Variants in TMEM150C observed in about 807,000 individuals in gnomAD.
TMEM150C encodes the protein transmembrane protein 150C, also known as tentonin 3.
Under a neutral mutation model 29.9 loss-of-function variants are expected in TMEM150C, and 10 were observed. That is an observed-to-expected ratio of 0.33 (90% CI 0.21 to 0.57). The LOEUF (loss-of-function observed/expected upper bound fraction) is 0.57, where lower values mean the gene tolerates loss of function less well. TMEM150C is among the 20% of genes least tolerant of loss of function. The pLI is 0.88. For missense variants in TMEM150C, 251 were observed against 303.6 expected (o/e 0.83, Z 1.29); for synonymous variants, 101 against 112.5 (o/e 0.90, Z 0.64).
chr4:82,526,031 A>T lies in TMEM150C; in HGVS notation c.-10-21364T>A, dbSNP rs927591033. On this transcript the variant is annotated intron_variant, in intron 1 of 7. Transcript: ENST00000449862. Reference sequence around the variant, plus strand: ...GTGATCCTCCCACCTCAGCCTCCATAATAGCTGGGACTACAGGTGTACTCC... The same window carrying T: ...GTGATCCTCCCACCTCAGCCTCCATTATAGCTGGGACTACAGGTGTACTCC... Among the ~76,000 whole-genome samples, 10 of 152,172 alleles carry T rather than the reference A, an allele frequency of 6.6e-5. No individual in the cohort carries two copies. The East Asian group carries it at 1.9e-3, about 29-fold the overall frequency.
intron 1 of TMEM150C, among the ~76,000 whole-genome samples, chr4:82,529,823 G>C (rs1724777967): frequency 6.6e-6 from 1 of 152,142 alleles, no homozygotes; most frequent in Non-Finnish European, 1.5e-5. Flanking sequence ...GGCTGTGAAA[G>C]AAAGGAAAGA....
intron 1 of TMEM150C, among the ~76,000 whole-genome samples, chr4:82,559,092 C>T (rs1165253166): frequency 6.6e-6 from 1 of 152,186 alleles, no homozygotes; most frequent in Non-Finnish European, 1.5e-5. Context: ...CAAAACATTG[C>T]TCCTAACTCC....
At chr4:82,559,709 CTAAT>C (rs1725856635) in intron 1 of TMEM150C, among the ~76,000 whole-genome samples, 1 of 152,190 alleles carries the variant, frequency 6.6e-6, no homozygotes, top group African/African-American at 2.4e-5. Context: ...TTACCAGAAC[CTAAT>C]CACACCGTAG....
chr4:82,525,586 A>G (rs1724626598), intron 1 of TMEM150C, among the ~76,000 whole-genome samples: 1 of 152,262 alleles, frequency 6.6e-6, no homozygotes, highest in Non-Finnish European at 1.5e-5. Context: ...TCATTGTTTA[A>G]CAAAGATGAA....
At chr4:82,547,512 C>G (rs1039090882) in intron 1 of TMEM150C, among the ~76,000 whole-genome samples, 2 of 152,048 alleles carry the variant, frequency 1.3e-5, no homozygotes, top group African/African-American at 4.8e-5. Flanking sequence ...TAGCTTGAAC[C>G]CAGGAGGCGG....
chr4:82,528,956 G>A lies in TMEM150C; in HGVS notation c.-10-24289C>T, dbSNP rs112732120. On this transcript the variant is annotated intron_variant, in intron 1 of 7. Coordinates refer to ENST00000449862, the MANE Select transcript of TMEM150C (RefSeq NM_001080506.3). ...TGTACAGAAGGCAGGAGACAACCAG[G>A]GTCTCAAGTTCAGGTAAGTGGTCAG... 4.0e-3 allele frequency among the ~76,000 whole-genome samples: 609 copies of A among 152,120 alleles called. 1 individual carries two copies. The highest frequency in any genetic ancestry group is 0.014 in the African/African-American group (568 of 41,494).
intron 1 of TMEM150C, among the ~76,000 whole-genome samples, chr4:82,553,084 C>A (rs1001228551): frequency 2.0e-5 from 3 of 152,164 alleles, no homozygotes; most frequent in Non-Finnish European, 2.9e-5. Flanking sequence ...TGCATTGTCA[C>A]CTTTATGGGC....
chr4:82,549,251 G>A (rs1050422267), intron 1 of TMEM150C, among the ~76,000 whole-genome samples: 2 of 152,062 alleles, frequency 1.3e-5, no homozygotes, highest in Non-Finnish European at 2.9e-5. Context: ...TTGAAATGTG[G>A]TATATATACT....
At chr4:82,553,550 C>T (rs944480860) in intron 1 of TMEM150C, among the ~76,000 whole-genome samples, 3 of 152,276 alleles carry the variant, frequency 2.0e-5, no homozygotes, top group African/African-American at 7.2e-5. Flanking sequence ...AGACACTGAA[C>T]AGGGGAGCAG....
intron 5 of TMEM150C, 189 bp from the exon 6 acceptor site, chr4:82,496,384 A>T (rs1723559670): frequency 2.0e-6 from 1 of 509,456 alleles, no homozygotes; most frequent in Non-Finnish European, 3.4e-6. Flanking sequence ...AATGATCCAC[A>T]ATTTTTCAAA....
At chr4:82,517,784 T>A (rs1724339312) in intron 1 of TMEM150C, among the ~76,000 whole-genome samples, 2 of 152,210 alleles carry the variant, frequency 1.3e-5, no homozygotes, top group Non-Finnish European at 2.9e-5. Context: ...CTGGCCTCCA[T>A]AATTGCCTAA....
At chr4:82,534,311 C>A (rs559430544) in intron 1 of TMEM150C, among the ~76,000 whole-genome samples, 8 of 152,200 alleles carry the variant, frequency 5.3e-5, no homozygotes, top group Non-Finnish European at 8.8e-5. Context: ...AGCCCCTCAC[C>A]TCACCCCTGC....
At chr4:82,487,173 A>G (rs13103644) in intron 7 of TMEM150C, among the ~76,000 whole-genome samples, 96,587 of 152,066 alleles carry the variant, frequency 0.64, 32,326 homozygotes, top group African/African-American at 0.85. Flanking sequence ...GATAGGCTGG[A>G]CAAGGTGGCT....
intron 1 of TMEM150C, among the ~76,000 whole-genome samples, chr4:82,553,670 T>G (rs1402242342): frequency 6.6e-5 from 10 of 152,260 alleles, no homozygotes. Context: ...CCAAGGACTG[T>G]GCTAGGGACT....
chr4:82,560,091 C>T (rs192553296), intron 1 of TMEM150C, among the ~76,000 whole-genome samples: 1 of 151,508 alleles, frequency 6.6e-6, no homozygotes, highest in Admixed American at 6.6e-5. Flanking sequence ...ACAACAAAGG[C>T]TAAATAGAAC....
chr4:82,507,768 A>G (rs1723987312), intron 1 of TMEM150C, among the ~76,000 whole-genome samples: 1 of 42,652 alleles, frequency 2.3e-5, no homozygotes, highest in African/African-American at 6.2e-5. Context: ...TTTTTTTTTG[A>G]GACACGATCT....
chr4:82,533,010 G>T (rs1453523655), intron 1 of TMEM150C, among the ~76,000 whole-genome samples: 1 of 152,180 alleles, frequency 6.6e-6, no homozygotes, highest in Non-Finnish European at 1.5e-5. Context: ...TTACAGGTGT[G>T]AGCCACTGCG....
intron 6 of TMEM150C, among the ~76,000 whole-genome samples, chr4:82,492,864 GTATATATATATA>G (rs58169287): frequency 1.9e-4 from 17 of 90,274 alleles, no homozygotes; most frequent in South Asian, 1.5e-3. Flanking sequence ...ATATGTTTGT[GTATATATATATA>G]TATATATATA....
chr4:82,547,270 G>A (rs765618424), intron 1 of TMEM150C, among the ~76,000 whole-genome samples: 1 of 151,172 alleles, frequency 6.6e-6, no homozygotes, highest in Non-Finnish European at 1.5e-5. Context: ...AGACATACAA[G>A]CAGCCAACAA....
Sources: gnomAD v4.1 joint callset for allele counts (sites outside exome capture counted in the v4.1 genomes callset) on GRCh38, gnomAD v4.1.1 for gene constraint, MANE v1.5 for transcripts, NCBI Gene and HGNC (gene_info 2026-07-23, HGNC 2026-07-21) for gene names.